The following TBC1D4 variants were observed in gnomAD, a reference collection of about 807,000 sequenced individuals.
TBC1D4 encodes TBC (Tre-2, BUB2, CDC16) domain-containing protein.
Under a neutral mutation model 142.5 loss-of-function variants are expected in TBC1D4, and 121 were observed. The observed-to-expected ratio is 0.85, with a 90% CI of 0.73 to 0.99. The LOEUF is 0.99. Among genes scored for constraint, TBC1D4 ranks in the 50% least tolerant of loss-of-function variants. TBC1D4 has a pLI of 0.00. For synonymous variants in TBC1D4, 630 were observed against 628.2 expected, an observed-to-expected ratio of 1.00 and a Z score of -0.04; for missense variants, 1,475 against 1,606.6, an observed-to-expected ratio of 0.92 and a Z score of 1.40.
chr13:75,465,337 C>G (rs1888124966), intron 1 of TBC1D4, among the ~76,000 whole-genome samples: 1 of 152,182 alleles, frequency 6.6e-6, no homozygotes, highest in African/African-American at 2.4e-5. Context: ...AACACAGTAC[C>G]AGGCACACTG....
At chr13:75,435,230 C>G (rs1886749363) in intron 1 of TBC1D4, among the ~76,000 whole-genome samples, 1 of 151,108 alleles carries the variant, frequency 6.6e-6, no homozygotes, top group African/African-American at 2.4e-5. Flanking sequence ...AACAGACAAC[C>G]TACAGAATGC....
chr13:75,413,001 A>G (rs892330354), intron 1 of TBC1D4, among the ~76,000 whole-genome samples: 1 of 152,198 alleles, frequency 6.6e-6, no homozygotes, highest in Non-Finnish European at 1.5e-5. Context: ...TTGCAACCAC[A>G]CAGCTTACCT....
chr13:75,460,592 G>C (rs1012002992), intron 1 of TBC1D4, among the ~76,000 whole-genome samples: 1 of 152,136 alleles, frequency 6.6e-6, no homozygotes, highest in Non-Finnish European at 1.5e-5. Context: ...TATGGAGCTT[G>C]AGCATTCTCT....
intron 1 of TBC1D4, among the ~76,000 whole-genome samples, chr13:75,385,957 G>C (rs1228377096): frequency 6.6e-6 from 1 of 152,196 alleles, no homozygotes; most frequent in Non-Finnish European, 1.5e-5. Flanking sequence ...GACAGTGTTT[G>C]CTTATGATTA....
rs1053605216 is a variant in TBC1D4 at position 75,461,865 on chromosome 13, G to A, written c.498+19405C>T. ...TGCAGATCTCATGTCGGAGAATACC[G>A]AGTGCCCCAACAATGTGTACTATCT... On this transcript the variant is annotated intron_variant, in intron 1 of 20. Coordinates refer to ENST00000377636, the MANE Select transcript of TBC1D4 (RefSeq NM_014832.5). Among the ~76,000 whole-genome samples, 3 of 152,260 alleles carry A rather than the reference G, an allele frequency of 2.0e-5. No individual in the cohort carries two copies. The East Asian group carries it at 5.8e-4, about 29-fold the overall frequency.
Position 75,326,393 on chromosome 13 carries a change from T to A in TBC1D4, c.1837A>T (p.Thr613Ser), listed in dbSNP as rs1243759163. 1.4e-5 allele frequency: 23 copies of A among 1,613,940 alleles called. No individual in the cohort carries two copies. Among genetic ancestry groups the A allele is most frequent in the Non-Finnish European group, 1.9e-5 (22 of 1,180,010 alleles). Residue 613 changes from threonine (T) to serine (S), a missense_variant, in exon 10 of 21, where the codon ACA (threonine) becomes TCA (serine). Physicochemically the swap from Thr to Ser is moderately conservative, Grantham distance 58. Transcript: ENST00000377636. Reference protein sequence around the residue: ...DYSPGDSPPGTPPASPPSSAW... With the variant: ...DYSPGDSPPGSPPASPPSSAW... ...GAGGACGGTGGGGACGCTGGCGGTG[T>A]CCCTGGTGGAGAATCCCCTGGTGAG...
chr13:75,363,189 G>A (rs1882677742), intron 1 of TBC1D4, among the ~76,000 whole-genome samples: 1 of 152,146 alleles, frequency 6.6e-6, no homozygotes, highest in African/African-American at 2.4e-5. Context: ...CACTCTAGAG[G>A]ATGGTTTGGC....
At chr13:75,464,967 T>C (rs544112510) in intron 1 of TBC1D4, among the ~76,000 whole-genome samples, 1 of 152,322 alleles carries the variant, frequency 6.6e-6, no homozygotes, top group East Asian at 1.9e-4. Flanking sequence ...TTCATCACAA[T>C]TTGAAATTGA....
intron 12 of TBC1D4, among the ~76,000 whole-genome samples, chr13:75,313,308 T>C (rs1022344295): frequency 1.3e-5 from 2 of 152,240 alleles, no homozygotes; most frequent in Admixed American, 6.5e-5. Flanking sequence ...AGAGCTCTTA[T>C]AGAACAGGTC....
intron 11 of TBC1D4, among the ~76,000 whole-genome samples, chr13:75,321,438 T>C (rs965185902): frequency 3.2e-5 from 4 of 125,708 alleles, no homozygotes; most frequent in Non-Finnish European, 7.4e-5. Context: ...GGTGCATATA[T>C]ATGTATATAT....
At chr13:75,416,399 T>C (rs558706454) in intron 1 of TBC1D4, among the ~76,000 whole-genome samples, 2 of 152,324 alleles carry the variant, frequency 1.3e-5, no homozygotes, top group South Asian at 4.1e-4. Flanking sequence ...TTGCAAACCG[T>C]TTATTCAACA....
intron 1 of TBC1D4, among the ~76,000 whole-genome samples, chr13:75,446,996 A>T (rs1271596463): frequency 6.6e-6 from 1 of 152,170 alleles, no homozygotes; most frequent in African/African-American, 2.4e-5. Flanking sequence ...TTAAGGGTGG[A>T]ATATTATAGA....
intron 12 of TBC1D4, among the ~76,000 whole-genome samples, chr13:75,315,508 G>C (rs1306279374): frequency 6.6e-6 from 1 of 150,946 alleles, no homozygotes; most frequent in African/African-American, 2.4e-5. Context: ...TGATTCAAAT[G>C]TTCTATATAT....
chr13:75,481,123 A>G (rs9543945), intron 1 of TBC1D4, 147 bp downstream of exon 1: 1 of 1,292,722 alleles, frequency 7.7e-7, no homozygotes, highest in Admixed American at 2.8e-5. Flanking sequence ...GGAAGGGGCC[A>G]GCCGGCGCTT....
intron 1 of TBC1D4, among the ~76,000 whole-genome samples, chr13:75,381,796 C>T (rs187515901): frequency 6.6e-6 from 1 of 152,336 alleles, no homozygotes; most frequent in Admixed American, 6.5e-5. Context: ...TCTCTCTTCG[C>T]TGATGGCTCA....
intron 1 of TBC1D4, among the ~76,000 whole-genome samples, chr13:75,394,425 C>T (rs1008042259): frequency 2.6e-5 from 4 of 152,092 alleles, no homozygotes; most frequent in African/African-American, 4.8e-5. Flanking sequence ...CACAAGAGGT[C>T]ATCAAAAGAA....
At chr13:75,363,450 T>C (rs150544327) in intron 1 of TBC1D4, among the ~76,000 whole-genome samples, 321 of 152,342 alleles carry the variant, frequency 2.1e-3, no homozygotes, top group Non-Finnish European at 4.0e-3. Flanking sequence ...CTGAGATAGA[T>C]GCATATCTGA....
At chr13:75,405,479 C>T (rs1001689557) in intron 1 of TBC1D4, among the ~76,000 whole-genome samples, 2 of 151,992 alleles carry the variant, frequency 1.3e-5, no homozygotes, top group Admixed American at 6.6e-5. Context: ...ACCATGTTGC[C>T]CAGGCTGGTC....
At chr13:75,294,485 A>G (rs540651393) in intron 18 of TBC1D4, among the ~76,000 whole-genome samples, 1 of 152,366 alleles carries the variant, frequency 6.6e-6, no homozygotes, top group African/African-American at 2.4e-5. Flanking sequence ...TGAATGCAAG[A>G]TGAAGAAGAC....
Sources: allele counts gnomAD v4.1 joint callset (sites outside exome capture counted in the v4.1 genomes callset), GRCh38; gene constraint gnomAD v4.1.1; transcripts MANE v1.5; gene names NCBI Gene and HGNC (gene_info 2026-07-23, HGNC 2026-07-21).